The following FOXP2 variants were observed in gnomAD, a reference collection of about 807,000 sequenced individuals.
FOXP2 encodes forkhead box P2.
In FOXP2, 12 loss-of-function variants were observed where a neutral mutation model predicts 115.8. The ratio of observed to expected loss-of-function variants is 0.10; its 90% CI spans 0.07 to 0.17. FOXP2 has a LOEUF of 0.17. Among genes scored for constraint, FOXP2 ranks in the 10% least tolerant of loss-of-function variants. The probability of loss-of-function intolerance (pLI) is 1.00; values close to 1 mark genes in which losing one functional copy is unlikely to be tolerated. For synonymous variants in FOXP2, 328 were observed against 297.7 expected, an observed-to-expected ratio of 1.10 and a Z score of -1.05; for missense variants, 629 against 843.5, an observed-to-expected ratio of 0.75 and a Z score of 3.15.
intron 3 of FOXP2, among the ~76,000 whole-genome samples, chr7:114,608,974 G>A (rs1044521787): frequency 2.0e-5 from 3 of 151,910 alleles, no homozygotes; most frequent in Admixed American, 1.3e-4. Flanking sequence ...CGAGGCGGGC[G>A]GATCACCTGA....
intron 2 of FOXP2, among the ~76,000 whole-genome samples, chr7:114,516,161 A>G (rs1003127031): frequency 2.2e-4 from 33 of 151,964 alleles, no homozygotes; most frequent in African/African-American, 7.3e-4. Context: ...TTCAAACTAT[A>G]CTACAAGTCT....
At chr7:114,308,135 A>G (rs1197423852) in intron 2 of FOXP2, among the ~76,000 whole-genome samples, 2 of 152,104 alleles carry the variant, frequency 1.3e-5, no homozygotes, top group Non-Finnish European at 2.9e-5. Flanking sequence ...TCTTTTTTCC[A>G]GACATCCTCT....
At chr7:114,318,148 C>A (rs1351246780) in intron 2 of FOXP2, among the ~76,000 whole-genome samples, 1 of 152,098 alleles carries the variant, frequency 6.6e-6, no homozygotes, top group Admixed American at 6.5e-5. Context: ...ATTTACTGTT[C>A]TAATTTTAAT....
At chr7:114,504,253 G>A (rs539159353) in intron 2 of FOXP2, among the ~76,000 whole-genome samples, 1 of 151,568 alleles carries the variant, frequency 6.6e-6, no homozygotes, top group African/African-American at 2.4e-5. Flanking sequence ...ATAATTTTAA[G>A]CAGTTATTCA....
chr7:114,095,513 C>A (rs943588723), intron 1 of FOXP2, among the ~76,000 whole-genome samples: 4 of 151,736 alleles, frequency 2.6e-5, no homozygotes, highest in Admixed American at 2.6e-4. Context: ...CCCCTCCTTC[C>A]CAGTCAGAAA....
chr7:114,480,199 A>G (rs1331899216), intron 2 of FOXP2, among the ~76,000 whole-genome samples: 2 of 151,466 alleles, frequency 1.3e-5, no homozygotes, highest in African/African-American at 4.8e-5. Flanking sequence ...TGCCTGCCTC[A>G]AACTAATAAA....
At chr7:114,121,120 G>C (rs1275321847) in intron 1 of FOXP2, among the ~76,000 whole-genome samples, 1 of 152,102 alleles carries the variant, frequency 6.6e-6, no homozygotes, top group East Asian at 1.9e-4. Context: ...TTAACCCCCA[G>C]TGTGACAGAA....
chr7:114,631,232 G>A (rs1289644576), intron 5 of FOXP2, among the ~76,000 whole-genome samples: 1 of 151,726 alleles, frequency 6.6e-6, no homozygotes, highest in African/African-American at 2.4e-5. Context: ...CTAGAGAAAT[G>A]TATTATTATC....
chr7:114,190,308 G>A (rs537643040), intron 1 of FOXP2, among the ~76,000 whole-genome samples: 10 of 152,284 alleles, frequency 6.6e-5, no homozygotes, highest in South Asian at 6.2e-4. Flanking sequence ...GACCTTCACC[G>A]TGGAGGGTGG....
intron 2 of FOXP2, among the ~76,000 whole-genome samples, chr7:114,469,341 A>T (rs1284463096): frequency 6.6e-6 from 1 of 152,202 alleles, no homozygotes; most frequent in Non-Finnish European, 1.5e-5. Context: ...AGTAAGGGTT[A>T]CCAGCTGAAA....
intron 1 of FOXP2, among the ~76,000 whole-genome samples, chr7:114,145,865 A>G (rs1367622071): frequency 6.6e-6 from 1 of 152,212 alleles, no homozygotes; most frequent in African/African-American, 2.4e-5. Flanking sequence ...ATGAAATTCT[A>G]GAAGTTGTGT....
intron 2 of FOXP2, among the ~76,000 whole-genome samples, chr7:114,523,306 A>T (rs569170382): frequency 3.9e-5 from 6 of 152,224 alleles, no homozygotes; most frequent in Non-Finnish European, 7.4e-5. Flanking sequence ...AGAATATTCT[A>T]ATATTAGCTT....
intron 8 of FOXP2, 80 bp downstream of exon 8, chr7:114,644,869 G>T: frequency 9.1e-7 from 1 of 1,093,768 alleles, no homozygotes; most frequent in South Asian, 1.3e-5. Context: ...ATAAACAAAA[G>T]ATGAAGGAGG....
intron 1 of FOXP2, among the ~76,000 whole-genome samples, chr7:114,255,856 G>A (rs1307754455): frequency 1.3e-5 from 2 of 152,126 alleles, no homozygotes; most frequent in East Asian, 3.9e-4. Context: ...AGTTGGAAAT[G>A]CAGAAATCAC....
At chr7:114,536,537 GTTGT>G (rs1799409088) in intron 3 of FOXP2, among the ~76,000 whole-genome samples, 1 of 150,430 alleles carries the variant, frequency 6.6e-6, no homozygotes, top group African/African-American at 2.4e-5. Flanking sequence ...ATAAGAAATT[GTTGT>G]TTGTTTATCA....
intron 3 of FOXP2, among the ~76,000 whole-genome samples, chr7:114,550,330 A>G (rs1584883776): frequency 2.0e-5 from 3 of 151,922 alleles, no homozygotes; most frequent in East Asian, 1.9e-4. Context: ...GTTAGCCAGG[A>G]TGGTCTCGAT....
intron 2 of FOXP2, among the ~76,000 whole-genome samples, chr7:114,430,381 CAAAA>C (rs907830812): frequency 5.3e-5 from 8 of 151,114 alleles, no homozygotes; most frequent in African/African-American, 1.9e-4. Flanking sequence ...CCAAGTGCAC[CAAAA>C]AGAGAATATA....
chr7:114,274,818 TTTTTG>T (rs1246501098), intron 1 of FOXP2, among the ~76,000 whole-genome samples: 1 of 151,374 alleles, frequency 6.6e-6, no homozygotes, highest in Admixed American at 6.6e-5. Flanking sequence ...TTTTTTTGTT[TTTTTG>T]TTTTTGTATT....
At chr7:114,298,675 A>C (rs1796803277) in intron 2 of FOXP2, among the ~76,000 whole-genome samples, 1 of 152,190 alleles carries the variant, frequency 6.6e-6, no homozygotes, top group Non-Finnish European at 1.5e-5. Flanking sequence ...GAACTAAGGC[A>C]GTTTAGCTTC....
Sources: gnomAD v4.1 joint callset for allele counts (sites outside exome capture counted in the v4.1 genomes callset) on GRCh38, gnomAD v4.1.1 for gene constraint, MANE v1.5 for transcripts, NCBI Gene and HGNC (gene_info 2026-07-23, HGNC 2026-07-21) for gene names.